The following ERCC1 variants were observed in gnomAD, a reference collection of about 807,000 sequenced individuals.
ERCC1 encodes DNA excision repair protein ERCC-1.
In ERCC1, 36 loss-of-function variants were observed where a neutral mutation model predicts 37.6. The ratio of observed to expected loss-of-function variants is 0.96; its 90% CI spans 0.73 to 1.26. The LOEUF is 1.26. ERCC1 is among the 50% of genes most tolerant of loss of function. ERCC1 has a pLI of 0.00. For synonymous variants in ERCC1, 156 were observed against 162.1 expected, an observed-to-expected ratio of 0.96 and a Z score of 0.28; for missense variants, 349 against 376.5, an observed-to-expected ratio of 0.93 and a Z score of 0.60.
In ERCC1 at chr19:45,420,420, T is replaced by A; in HGVS notation, c.329A>T (p.Asn110Ile). The A allele has an allele frequency of 6.2e-7, 1 of 1,612,180 alleles. No individual in the cohort carries two copies. Among genetic ancestry groups the A allele is most frequent in the Non-Finnish European group, 8.5e-7 (1 of 1,178,758 alleles). The change falls in exon 4 of 10, where the codon AAT becomes ATT. Residue 110 changes from asparagine to isoleucine, a missense_variant. Physicochemically the swap from Asn to Ile is moderately radical, Grantham distance 149 (BLOSUM62 -3). Transcript: ENST00000300853. This position sits in a 1 kb window ranked among gnomAD's most constrained non-coding sequence, Gnocchi z 4.8. ...SIIVSPRQRGNPVLKFVRNVP... is the reference protein window; with the variant it reads ...SIIVSPRQRGIPVLKFVRNVP... ...ATTGCGCACGAACTTCAGTACGGGA[T>A]TGCCCCTCTGGGGAGGGACGAAGGG...
intron 1 of ERCC1, 83 bp downstream of exon 1, chr19:45,423,698 G>A: frequency 8.2e-7 from 1 of 1,225,854 alleles, no homozygotes; most frequent in Non-Finnish European, 1.0e-6. Context: ...CCCTCCCCAC[G>A]CCTGGCCTTG....
rs1681544224 is a variant in ERCC1 at position 45,408,797 on chromosome 19, G to A, written c.*878C>T. 27 of 1,613,964 alleles carry A rather than the reference G, an allele frequency of 1.7e-5. No homozygotes were observed. Among genetic ancestry groups the A allele is most frequent in the Non-Finnish European group, 2.3e-5 (27 of 1,180,000 alleles). ...AGTGAAGCAGGAACAGATTAACACT[G>A]AGCCTCTAGAAGACACAGTCCTGTC... On this transcript the variant is annotated 3_prime_UTR_variant, in exon 10 of 10. Transcript: ENST00000300853.
chr19:45,439,801 T>C (rs1975071854), intron 1 of ERCC1, among the ~76,000 whole-genome samples: 1 of 151,896 alleles, frequency 6.6e-6, no homozygotes, highest in Non-Finnish European at 1.5e-5. Context: ...CCCCTCGCCG[T>C]GCCTCGGGGT....
At chr19:45,433,066 A>G (rs1974875602) in intron 1 of ERCC1, among the ~76,000 whole-genome samples, 1 of 150,238 alleles carries the variant, frequency 6.7e-6, no homozygotes, top group Non-Finnish European at 1.5e-5. Context: ...GGCAACAAGA[A>G]TGAAACTCTG....
chr19:45,417,912 G>A (rs991461144), intron 5 of ERCC1, among the ~76,000 whole-genome samples: 2 of 151,776 alleles, frequency 1.3e-5, no homozygotes, highest in Non-Finnish European at 1.5e-5. Context: ...GACTAGTCTC[G>A]AACTCTTGGC....
At chr19:45,450,163 C>G (rs1210762170) in intron 1 of ERCC1, among the ~76,000 whole-genome samples, 1 of 152,180 alleles carries the variant, frequency 6.6e-6, no homozygotes, top group African/African-American at 2.4e-5. Flanking sequence ...GGTCAAGGTT[C>G]CGGAGTGGGT....
Position 45,423,821 on chromosome 19 carries a change from A to T in ERCC1, c.-48T>A. On this transcript the variant is annotated 5_prime_UTR_variant, in exon 1 of 10. Transcript: ENST00000300853. Reference sequence around the variant, plus strand: ...CACGGTTTCAGCGCCGCGAGGCCTCACCTGCTGGTCTTGGAGCCTCAAGGG... The same window carrying T: ...CACGGTTTCAGCGCCGCGAGGCCTCTCCTGCTGGTCTTGGAGCCTCAAGGG... The T allele has an allele frequency of 8.8e-7, 1 of 1,131,680 alleles. No individual in the cohort carries two copies. The highest frequency in any genetic ancestry group is 1.1e-6 in the Non-Finnish European group (1 of 916,052). 70.1% of individuals were successfully genotyped at this position (1,131,680 alleles called of 1,614,324 possible). A position where few individuals can be genotyped will look rare whatever the true frequency, so the allele number is the denominator to read the frequency against.
chr19:45,413,298 G>A (rs928930058), intron 9 of ERCC1: 12 of 481,064 alleles, frequency 2.5e-5, no homozygotes, highest in Admixed American at 7.1e-5. Context: ...AGACAGGATC[G>A]CTCTGTCACC....
chr19:45,408,289 T>C lies in ERCC1; in HGVS notation c.*1386A>G. 4 of 1,613,822 alleles carry C rather than the reference T, an allele frequency of 2.5e-6. No individual in the cohort carries two copies. The highest frequency in any genetic ancestry group is 1.1e-5 in the South Asian group (1 of 91,052). On this transcript the variant is annotated 3_prime_UTR_variant, in exon 10 of 10. Coordinates refer to ENST00000300853, the MANE Select transcript of ERCC1 (RefSeq NM_001983.4). ...CGGAGGCAGGAGGTGGACTCACCTG[T>C]GCCTCAGCCCCCCAGGGCACCCTAA... is the stretch of plus-strand genomic sequence containing the variant.
chr19:45,439,898 C>T (rs970556902), intron 1 of ERCC1, among the ~76,000 whole-genome samples: 40 of 152,126 alleles, frequency 2.6e-4, no homozygotes, highest in Admixed American at 1.4e-3. Flanking sequence ...GGAACCCGCG[C>T]GGCGCCGCGT....
chr19:45,421,061 G>T (rs1038714993), intron 3 of ERCC1, 117 bp downstream of exon 3: 1 of 837,524 alleles, frequency 1.2e-6, no homozygotes, highest in Non-Finnish European at 2.0e-6. Flanking sequence ...ATGAATGAAT[G>T]AATGAATGGG....
intron 1 of ERCC1, among the ~76,000 whole-genome samples, chr19:45,450,898 C>T (rs987455325): frequency 3.0e-5 from 3 of 100,260 alleles, no homozygotes; most frequent in Admixed American, 8.1e-5. Flanking sequence ...CCCCCCCCCC[C>T]CCCCCCCACG....
Position 45,435,924 on chromosome 19 carries a change from G to A in ERCC1, c.-7-12543C>T, listed in dbSNP as rs144663290. On this transcript the variant is annotated intron_variant, in intron 1 of 8. Transcript: ENST00000423698. ...AGTACAGACATGTACCACCATGCCC[G>A]GCTAATATTTTTTGTATTTTTAGTA... 5.9e-3 allele frequency among the ~76,000 whole-genome samples: 905 copies of A among 152,146 alleles called. 8 individuals are homozygous for A. Among genetic ancestry groups the A allele is most frequent in the African/African-American group, 0.019 (804 of 41,502 alleles).
At chr19:45,417,676 G>A (rs566533885) in intron 5 of ERCC1, among the ~76,000 whole-genome samples, 62 of 152,152 alleles carry the variant, frequency 4.1e-4, no homozygotes, top group African/African-American at 1.4e-3. Flanking sequence ...CTCCTAGGGT[G>A]CTTAGGAGCC....
intron 4 of ERCC1, 164 bp from the exon 5 acceptor site, chr19:45,419,361 A>G (rs1309453146): frequency 4.7e-6 from 3 of 642,468 alleles, no homozygotes; most frequent in Non-Finnish European, 5.7e-6. Context: ...CACTCTTCCA[A>G]GAAGATGCTC....
At position 45,451,328 on chromosome 19, in the gene ERCC1, C is replaced by T. The variant is rs1231097017; in HGVS notation, c.-8+27408G>A. ...CACTTCGCTGGCCTGCCGTTTCTGCCTTGGACTGCCGGATTTCCGGGTGCA... is the reference window on the plus strand; with the variant it reads ...CACTTCGCTGGCCTGCCGTTTCTGCTTTGGACTGCCGGATTTCCGGGTGCA... On this transcript the variant is annotated intron_variant, in intron 1 of 8. Coordinates refer to the ERCC1 transcript ENST00000423698. Among the ~76,000 whole-genome samples the T allele has an allele frequency of 4.6e-5, 7 of 152,306 alleles. No individual in the cohort carries two copies. In the East Asian group the frequency reaches 5.8e-4, roughly 13 times the overall value.
intron 1 of ERCC1, among the ~76,000 whole-genome samples, chr19:45,432,783 G>A (rs968701445): frequency 1.3e-5 from 2 of 152,278 alleles, no homozygotes; most frequent in African/African-American, 4.8e-5. Context: ...GGAGTGTAAG[G>A]GGGCCAGGTG....
rs763261365 is a variant in ERCC1 at position 45,408,478 on chromosome 19, C to T, written c.*1197G>A. 26 of 1,613,906 alleles carry T rather than the reference C, an allele frequency of 1.6e-5. No individual in the cohort carries two copies. Among genetic ancestry groups the T allele is most frequent in the Middle Eastern group, 3.3e-4 (2 of 6,060 alleles). On this transcript the variant is annotated 3_prime_UTR_variant, in exon 10 of 10. Coordinates refer to ENST00000300853, the MANE Select transcript of ERCC1 (RefSeq NM_001983.4). ...GGTCAGCCTTGGCCCCCAACCTGCT[C>T]ACCTCAGGGAAGAAGAAAAAGGAGA...
At chr19:45,435,258 A>G (rs1974946405) in intron 1 of ERCC1, among the ~76,000 whole-genome samples, 1 of 152,094 alleles carries the variant, frequency 6.6e-6, no homozygotes, top group South Asian at 2.1e-4. Context: ...TATGCCGCAC[A>G]GTAACATTGA....
Sources: allele counts gnomAD v4.1 joint callset (sites outside exome capture counted in the v4.1 genomes callset), GRCh38; gene constraint gnomAD v4.1.1; non-coding constraint Gnocchi (gnomAD v3.1); transcripts MANE v1.5; gene names NCBI Gene and HGNC (gene_info 2026-07-23, HGNC 2026-07-21).